The following DOCK4 variants were observed in gnomAD, a reference collection of about 807,000 sequenced individuals.
The protein encoded by DOCK4 is dedicator of cytokinesis protein 4.
DOCK4 carries 97 observed loss-of-function variants against 268.1 expected under a neutral mutation model. The ratio of observed to expected loss-of-function variants is 0.36; its 90% CI spans 0.31 to 0.43. The LOEUF is 0.43. Among genes scored for constraint, DOCK4 ranks in the 20% least tolerant of loss-of-function variants. DOCK4 has a pLI of 1.00. For synonymous variants in DOCK4, 954 were observed against 887.2 expected (o/e 1.08, Z -1.34); for missense variants, 2,145 against 2,455.7 (o/e 0.87, Z 2.67).
chr7:111,814,809 A>C (rs1372577313), intron 27 of DOCK4, among the ~76,000 whole-genome samples: 2 of 152,220 alleles, frequency 1.3e-5, no homozygotes, highest in Non-Finnish European at 2.9e-5. Context: ...AGAAAGAGGC[A>C]CAGGGCATTG....
chr7:111,981,045 G>C (rs767820998), intron 7 of DOCK4, among the ~76,000 whole-genome samples: 1 of 152,080 alleles, frequency 6.6e-6, no homozygotes, highest in Non-Finnish European at 1.5e-5. Flanking sequence ...CTGCTAACAG[G>C]GCTATCAAGA....
At chr7:111,863,063 A>T (rs1159824997) in intron 23 of DOCK4, 2 of 286,892 alleles carry the variant, frequency 7.0e-6, no homozygotes, top group African/African-American at 2.3e-5. Flanking sequence ...TTGATGAAAA[A>T]CTTTTAAAAA....
At chr7:111,829,394 G>A (rs974492561) in intron 26 of DOCK4, among the ~76,000 whole-genome samples, 5 of 152,126 alleles carry the variant, frequency 3.3e-5, no homozygotes, top group African/African-American at 1.2e-4. Flanking sequence ...AACAATAATA[G>A]CATCAGTCAA....
intron 1 of DOCK4, among the ~76,000 whole-genome samples, chr7:112,096,279 G>A (rs543550924): frequency 1.9e-4 from 29 of 152,080 alleles, no homozygotes; most frequent in South Asian, 1.2e-3. Context: ...GGGCTCAAAC[G>A]ATACTCCCAC....
At chr7:112,025,186 G>A (rs768992919) in intron 1 of DOCK4, among the ~76,000 whole-genome samples, 4 of 151,088 alleles carry the variant, frequency 2.6e-5, no homozygotes, top group Admixed American at 6.6e-5. Flanking sequence ...CCGGCACCAT[G>A]CTGGGTGCTA....
chr7:111,777,893 C>T (rs973262186), intron 36 of DOCK4, among the ~76,000 whole-genome samples: 2 of 152,184 alleles, frequency 1.3e-5, no homozygotes, highest in Non-Finnish European at 2.9e-5. Flanking sequence ...CCACGTGGAA[C>T]TGTAAGTCAA....
chr7:111,948,810 G>C (rs1305236500), intron 8 of DOCK4, among the ~76,000 whole-genome samples: 1 of 151,538 alleles, frequency 6.6e-6, no homozygotes, highest in African/African-American at 2.4e-5. Context: ...AGTCAGGCTG[G>C]TCTCGAACTC....
chr7:111,758,667 C>A lies in DOCK4; in HGVS notation c.4286G>T (p.Arg1429Leu). Reference protein sequence around the residue: ...VNHIWKFRYDRPFHKGTKDKE... With the variant: ...VNHIWKFRYDLPFHKGTKDKE... ...ATCTTTTGTGCCTTTGTGAAATGGT[C>A]GGTCATAGCGGAATTTCCAGATGTG... The change falls in exon 41 of 53, where the codon CGA (arginine) becomes CTA (leucine). Residue 1429 changes from arginine (R) to leucine (L), a missense_variant. By Grantham distance (102) the Arg-to-Leu change is moderately radical. Coordinates refer to ENST00000428084, the MANE Select transcript of DOCK4 (RefSeq NM_001363540.2). 6.2e-7 allele frequency: 1 copy of A among 1,613,904 alleles called. No homozygotes were observed. Among genetic ancestry groups the A allele is most frequent in the South Asian group, 1.1e-5 (1 of 91,060 alleles).
At chr7:111,960,469 T>C (rs1276391073) in intron 8 of DOCK4, among the ~76,000 whole-genome samples, 2 of 149,410 alleles carry the variant, frequency 1.3e-5, no homozygotes, top group Admixed American at 1.3e-4. Context: ...CATTGTGGAA[T>C]GGATAAATCA....
intron 30 of DOCK4, among the ~76,000 whole-genome samples, chr7:111,792,190 T>C (rs1799595919): frequency 6.6e-6 from 1 of 152,228 alleles, no homozygotes; most frequent in South Asian, 2.1e-4. Context: ...TTGCATGCTA[T>C]GAAAAACACA....
At chr7:111,879,711 T>C (rs1032888648) in intron 16 of DOCK4, among the ~76,000 whole-genome samples, 1 of 152,112 alleles carries the variant, frequency 6.6e-6, no homozygotes, top group African/African-American at 2.4e-5. Flanking sequence ...TTCTATGAGA[T>C]AAATTTAACA....
intron 8 of DOCK4, 63 bp from the exon 9 acceptor site, chr7:111,945,861 G>A (rs1360917542): frequency 8.0e-7 from 1 of 1,244,034 alleles, no homozygotes; most frequent in Non-Finnish European, 1.1e-6. Context: ...TTATCCCTCT[G>A]TAACTACTCT....
intron 13 of DOCK4, among the ~76,000 whole-genome samples, chr7:111,913,474 A>C (rs1370068787): frequency 6.9e-6 from 1 of 144,714 alleles, no homozygotes; most frequent in Non-Finnish European, 1.5e-5. Flanking sequence ...CAGTGGCGCG[A>C]TCTCCGCTCA....
intron 1 of DOCK4, among the ~76,000 whole-genome samples, chr7:112,078,877 G>T (rs1563063931): frequency 6.6e-6 from 1 of 152,112 alleles, no homozygotes; most frequent in South Asian, 2.1e-4. Context: ...TGTAATCCTA[G>T]CAATTTGGGA....
At chr7:112,030,496 G>A (rs1210868700) in intron 1 of DOCK4, among the ~76,000 whole-genome samples, 2 of 152,170 alleles carry the variant, frequency 1.3e-5, no homozygotes, top group Admixed American at 1.3e-4. Flanking sequence ...CACATTGTTG[G>A]TGCAGCTTGC....
At chr7:111,962,991 C>T (rs953784641) in intron 8 of DOCK4, among the ~76,000 whole-genome samples, 5 of 152,162 alleles carry the variant, frequency 3.3e-5, no homozygotes, top group Admixed American at 3.3e-4. Context: ...CAGCTGAGTA[C>T]CAACTGGTGG....
intron 1 of DOCK4, among the ~76,000 whole-genome samples, chr7:112,158,080 A>T (rs1002338892): frequency 2.0e-5 from 3 of 152,250 alleles, no homozygotes; most frequent in African/African-American, 7.2e-5. Context: ...ATGGAAGCCC[A>T]GGTTAAAATT....
At chr7:111,947,219 C>T (rs1342787234) in intron 8 of DOCK4, among the ~76,000 whole-genome samples, 2 of 152,172 alleles carry the variant, frequency 1.3e-5, no homozygotes, top group East Asian at 3.8e-4. Context: ...AATAATGGTT[C>T]TGTCATTCAA....
intron 1 of DOCK4, among the ~76,000 whole-genome samples, chr7:112,107,652 C>T (rs945191800): frequency 2.6e-5 from 4 of 152,140 alleles, no homozygotes; most frequent in Non-Finnish European, 4.4e-5. Flanking sequence ...AAAAGTGATG[C>T]TTTATTCAAT....
Sources: gnomAD v4.1 joint callset for allele counts (sites outside exome capture counted in the v4.1 genomes callset) on GRCh38, gnomAD v4.1.1 for gene constraint, MANE v1.5 for transcripts, NCBI Gene and HGNC (gene_info 2026-07-23, HGNC 2026-07-21) for gene names.